Variants in ZNF730 observed in about 807,000 individuals in gnomAD.
The protein encoded by ZNF730 is zinc finger protein 730, also known as putative zinc finger protein 730.
Under a neutral mutation model 12.6 loss-of-function variants are expected in ZNF730, and 12 were observed. The ratio of observed to expected loss-of-function variants is 0.95; its 90% CI spans 0.61 to 1.54. ZNF730 has a LOEUF of 1.54. Among genes scored for constraint, ZNF730 ranks in the 40% most tolerant of loss-of-function variants. ZNF730 has a pLI of 0.00. For missense variants in ZNF730, 643 were observed against 583.5 expected (o/e 1.10, Z -1.05); for synonymous variants, 194 against 195.8 (o/e 0.99, Z 0.08).
chr19:23,121,910 T>A (rs1168814408), intron 1 of ZNF730, among the ~76,000 whole-genome samples: 1 of 152,184 alleles, frequency 6.6e-6, no homozygotes, highest in Non-Finnish European at 1.5e-5. Flanking sequence ...TCTCTTTTTT[T>A]AAAACATTTA....
intron 1 of ZNF730, among the ~76,000 whole-genome samples, chr19:23,109,966 A>G (rs930459334): frequency 2.0e-4 from 30 of 152,010 alleles, no homozygotes; most frequent in Non-Finnish European, 8.8e-5. Context: ...TTGTTTCTTT[A>G]TAACCATTTT....
Position 23,085,826 on chromosome 19 carries a change from ATTTTTTTTTCTTTTTTTTT to A in ZNF730, c.-94+10449_-94+10467del, listed in dbSNP as rs1351118777. ...ACCGCACCCAGACCTATTTCACCCA[ATTTTTTTTTCTTTTTTTTT>A]TTTTTTTTTTTTTTTTTTGAGATGG... On this transcript the variant is annotated intron_variant, in intron 1 of 2. Coordinates refer to the ZNF730 transcript ENST00000593635. 6.7e-3 allele frequency among the ~76,000 whole-genome samples: 483 copies of A among 72,560 alleles called. 5 individuals are homozygous for A. Among genetic ancestry groups the A allele is most frequent in the African/African-American group, 0.026 (432 of 16,774 alleles). 47.6% of individuals were successfully genotyped at this position (72,560 alleles called of 152,430 possible). A position where few individuals can be genotyped will look rare whatever the true frequency, so the allele number is the denominator to read the frequency against.
chr19:23,104,731 C>T (rs1298309116), intron 1 of ZNF730, among the ~76,000 whole-genome samples: 1 of 152,108 alleles, frequency 6.6e-6, no homozygotes, highest in Admixed American at 6.6e-5. Context: ...GTATGCTTCC[C>T]TTTAAAGAGT....
intron 1 of ZNF730, among the ~76,000 whole-genome samples, chr19:23,100,675 A>T: frequency 1.4e-5 from 1 of 72,752 alleles, no homozygotes; most frequent in Non-Finnish European, 2.5e-5. Context: ...TTTTTTTTTG[A>T]GACAGAATCT....
intron 3 of ZNF730, among the ~76,000 whole-genome samples, chr19:23,141,211 G>T (rs893475394): frequency 6.6e-6 from 1 of 151,836 alleles, no homozygotes; most frequent in African/African-American, 2.4e-5. Context: ...TGGCTAACAC[G>T]GTGAAACCCC....
At chr19:23,121,757 TCTG>T (rs2145609753) in intron 1 of ZNF730, among the ~76,000 whole-genome samples, 1 of 152,362 alleles carries the variant, frequency 6.6e-6, no homozygotes, top group Admixed American at 6.5e-5. Context: ...AGCTTAGATG[TCTG>T]CATCCAGTGT....
chr19:23,101,350 G>C (rs1214735811), intron 1 of ZNF730, among the ~76,000 whole-genome samples: 1 of 152,192 alleles, frequency 6.6e-6, no homozygotes, highest in Non-Finnish European at 1.5e-5. Context: ...AAGAGTCTGT[G>C]ACTTCACTGA....
chr19:23,145,338 C>A lies in ZNF730; in HGVS notation c.294C>A (p.Val98=). 6.3e-7 allele frequency: 1 copy of A among 1,594,240 alleles called. No homozygotes were observed. The highest frequency in any genetic ancestry group is 1.1e-5 in the South Asian group (1 of 87,908). ...EQGIKDYFQE[V]ILRQYKKCRH... ...GCATAAAAGATTATTTCCAAGAAGT[C>A]ATACTGAGACAATATAAAAAATGTA... The change falls in exon 4 of 4, where the codon GTC becomes GTA. Residue 98 remains valine (V), a synonymous_variant. Coordinates refer to ENST00000597761, the MANE Select transcript of ZNF730 (RefSeq NM_001277403.2).
chr19:23,077,076 AAC>A (rs1425196386), intron 1 of ZNF730, among the ~76,000 whole-genome samples: 1 of 152,188 alleles, frequency 6.6e-6, no homozygotes, highest in African/African-American at 2.4e-5. Context: ...TTAGCAAAGT[AAC>A]ACAGGAACAG....
intron 1 of ZNF730, among the ~76,000 whole-genome samples, chr19:23,099,795 T>A (rs73029434): frequency 0.054 from 8,190 of 152,246 alleles, 252 homozygotes; most frequent in Middle Eastern, 0.088. Context: ...TTGTGACATG[T>A]GCCTCTGCCC....
In ZNF730 at chr19:23,136,061, CA is replaced by C; in HGVS notation, c.226+20del. 6.5e-7 allele frequency: 1 copy of C among 1,543,170 alleles called. No individual in the cohort carries two copies. The highest frequency in any genetic ancestry group is 8.7e-7 in the Non-Finnish European group (1 of 1,143,250). On this transcript the variant is annotated intron_variant, in intron 3 of 3. Coordinates refer to ENST00000597761, the MANE Select transcript of ZNF730 (RefSeq NM_001277403.2). ...ACCCCCAGGTAGGTGACAGTAAATA[CA>C]ATACACAAAACTGATAAGAGATCTA...
intron 1 of ZNF730, among the ~76,000 whole-genome samples, chr19:23,077,424 C>CTTTTTTTTTT (rs71163442): frequency 8.8e-5 from 4 of 45,568 alleles, no homozygotes; most frequent in African/African-American, 2.6e-4. Context: ...TCCCTAAGAG[C>CTTTTTTTTTT]TTTTTTTTTT....
At chr19:23,099,807 A>G (rs1276756401) in intron 1 of ZNF730, among the ~76,000 whole-genome samples, 1 of 152,110 alleles carries the variant, frequency 6.6e-6, no homozygotes, top group African/African-American at 2.4e-5. Context: ...CCTCTGCCCA[A>G]CGTCTGAGTT....
intron 3 of ZNF730, among the ~76,000 whole-genome samples, chr19:23,144,927 C>A (rs1233872969): frequency 6.6e-6 from 1 of 152,036 alleles, no homozygotes; most frequent in Non-Finnish European, 1.5e-5. Flanking sequence ...AGTATTTTAA[C>A]TTGTCTTTTA....
upstream of ZNF730, among the ~76,000 whole-genome samples, chr19:23,116,150 T>G (rs1165847183): frequency 3.0e-4 from 46 of 152,188 alleles, no homozygotes; most frequent in Admixed American, 2.7e-3. Context: ...TAATCTGTTT[T>G]CTTCATATCT....
intron 1 of ZNF730, among the ~76,000 whole-genome samples, chr19:23,093,785 A>T (rs998151292): frequency 3.3e-5 from 5 of 152,172 alleles, no homozygotes; most frequent in African/African-American, 1.2e-4. Flanking sequence ...CCTACGGTTG[A>T]TCAACAGACG....
chr19:23,093,367 T>C (rs931700757), intron 1 of ZNF730, among the ~76,000 whole-genome samples: 4 of 152,126 alleles, frequency 2.6e-5, no homozygotes, highest in African/African-American at 9.7e-5. Flanking sequence ...TTTCTTCCCA[T>C]GGGGACTCAG....
intron 1 of ZNF730, among the ~76,000 whole-genome samples, chr19:23,091,061 C>T (rs1599571456): frequency 6.6e-6 from 1 of 151,788 alleles, no homozygotes. Flanking sequence ...GGTCCCCATG[C>T]TGTGTGCAGC....
At chr19:23,113,416 G>A (rs1435401765), upstream of ZNF730, among the ~76,000 whole-genome samples, 1 of 152,192 alleles carries the variant, frequency 6.6e-6, no homozygotes, top group Non-Finnish European at 1.5e-5. Flanking sequence ...TGGAATGACA[G>A]AAACTCAAAG....
Sources: gnomAD v4.1 joint callset for allele counts (sites outside exome capture counted in the v4.1 genomes callset) on GRCh38, gnomAD v4.1.1 for gene constraint, MANE v1.5 for transcripts, NCBI Gene and HGNC (gene_info 2026-07-23, HGNC 2026-07-21) for gene names.